SYT9: variants seen among roughly 807,000 people sequenced by gnomAD.
SYT9 encodes the protein synaptotagmin 9, also known as synaptotagmin-9.
Under a neutral mutation model 48.4 loss-of-function variants are expected in SYT9, and 22 were observed. The observed-to-expected ratio is 0.45, with a 90% CI of 0.32 to 0.65. The LOEUF (loss-of-function observed/expected upper bound fraction) is 0.65. Ranked by LOEUF, SYT9 falls within the 30% of genes least tolerant of loss-of-function variation. The pLI is 0.03. For missense variants in SYT9, 577 were observed against 622.0 expected (o/e 0.93, Z 0.77); for synonymous variants, 265 against 245.0 (o/e 1.08, Z -0.76).
At chr11:7,254,772 G>A (rs1589888488) in intron 1 of SYT9, among the ~76,000 whole-genome samples, 1 of 152,152 alleles carries the variant, frequency 6.6e-6, no homozygotes. Context: ...CTGAACTAAG[G>A]ACTTTGGTTA....
intron 6 of SYT9, chr11:7,435,611 G>A (rs1276771563): frequency 6.6e-6 from 1 of 152,208 alleles, no homozygotes; most frequent in Non-Finnish European, 1.5e-5. Context: ...TATAGCTGAG[G>A]TGGATAGTCT....
intron 3 of SYT9, among the ~76,000 whole-genome samples, chr11:7,369,794 A>ACAAACACACACACACAC (rs1564879645): frequency 4.2e-4 from 61 of 143,982 alleles, no homozygotes; most frequent in African/African-American, 1.5e-3. Flanking sequence ...CACACACACA[A>ACAAACACACACACACAC]ACACACACAC....
At chr11:7,322,052 G>A (rs1268266509) in intron 3 of SYT9, among the ~76,000 whole-genome samples, 2 of 152,174 alleles carry the variant, frequency 1.3e-5, no homozygotes, top group African/African-American at 4.8e-5. Flanking sequence ...TGTTACATTC[G>A]GTGGTGTCCT....
intron 1 of SYT9, among the ~76,000 whole-genome samples, chr11:7,289,320 A>G (rs551424857): frequency 1.1e-3 from 170 of 152,302 alleles, no homozygotes; most frequent in African/African-American, 3.8e-3. Flanking sequence ...CAGGGTCTGG[A>G]GGAGGGAGTT....
rs1357054265 is a variant in SYT9, at chr11:7,313,794, A to C, written c.897A>C (p.Glu299Asp). The C allele has an allele frequency of 6.2e-7, 1 of 1,614,196 alleles. No homozygotes were observed. Among genetic ancestry groups the C allele is most frequent in the East Asian group, 2.2e-5 (1 of 44,886 alleles). Residue 299 changes from glutamate to aspartate, a missense_variant, in exon 3 of 7, where the codon GAA (glutamate) becomes GAC (aspartate). By Grantham distance (45) the Glu-to-Asp change is conservative. Coordinates refer to ENST00000318881, the MANE Select transcript of SYT9 (RefSeq NM_175733.4). ...TTCCGGTTCCCTACAATGACCTTGAAGCACGGAAGCTTCACTTCTCTGTGT... is the reference window on the plus strand; with the variant it reads ...TTCCGGTTCCCTACAATGACCTTGACGCACGGAAGCTTCACTTCTCTGTGT... Reference protein sequence around the residue: ...FLFPVPYNDLEARKLHFSVYD... With the variant: ...FLFPVPYNDLDARKLHFSVYD...
chr11:7,340,727 C>T (rs1010075510), intron 3 of SYT9, among the ~76,000 whole-genome samples: 1 of 152,196 alleles, frequency 6.6e-6, no homozygotes, highest in Non-Finnish European at 1.5e-5. Context: ...GTGATGGCTG[C>T]AAGACAGCAA....
Position 7,416,139 on chromosome 11 carries a change from C to G in SYT9, c.1142C>G (p.Ala381Gly), listed in dbSNP as rs1847242442. ...ATTATAAAAGCAAGGAATTTAAAGG[C>G]AATGGACATAACAGGAGCATCAGGT... ...ITIIKARNLKAMDITGASDPY... is the reference protein window; with the variant it reads ...ITIIKARNLKGMDITGASDPY... The change falls in exon 4 of 7, where the codon GCA (alanine) becomes GGA (glycine). Residue 381 changes from alanine to glycine, a missense_variant. Ala to Gly is a moderately conservative substitution (Grantham distance 60, BLOSUM62 0). Transcript: ENST00000318881. 1 of 1,614,142 alleles carries G rather than the reference C, an allele frequency of 6.2e-7. No homozygotes were observed. Among genetic ancestry groups the G allele is most frequent in the South Asian group, 1.1e-5 (1 of 91,084 alleles).
intron 3 of SYT9, among the ~76,000 whole-genome samples, chr11:7,317,067 C>T (rs1243591141): frequency 6.6e-6 from 1 of 152,134 alleles, no homozygotes; most frequent in East Asian, 1.9e-4. Flanking sequence ...TTTGTATTCA[C>T]TTTATGGTGT....
intron 1 of SYT9, among the ~76,000 whole-genome samples, chr11:7,294,821 T>C (rs552645669): frequency 6.6e-6 from 1 of 152,206 alleles, no homozygotes; most frequent in Non-Finnish European, 1.5e-5. Flanking sequence ...GGAAGACAAT[T>C]GCCATCCCTT....
intron 3 of SYT9, among the ~76,000 whole-genome samples, chr11:7,328,778 T>TA (rs1849479633): frequency 1.3e-5 from 2 of 152,198 alleles, no homozygotes; most frequent in Non-Finnish European, 2.9e-5. Context: ...GTTAAAGATC[T>TA]GTTGATGTTA....
chr11:7,306,130 G>C (rs193053895), intron 2 of SYT9, among the ~76,000 whole-genome samples: 11 of 152,234 alleles, frequency 7.2e-5, no homozygotes, highest in Non-Finnish European at 1.6e-4. Flanking sequence ...CTTTTGTACA[G>C]TGACTCAATA....
In SYT9 at chr11:7,468,032, C is replaced by G; in HGVS notation, c.*1232C>G. 2.7e-6 allele frequency: 1 copy of G among 373,076 alleles called. No homozygotes were observed. The highest frequency in any genetic ancestry group is 4.8e-6 in the Non-Finnish European group (1 of 210,134). The allele number at this position is 373,076 out of a possible 1,614,324, so 23.1% of individuals were successfully genotyped here. On this transcript the variant is annotated 3_prime_UTR_variant, in exon 7 of 7. Transcript: ENST00000318881. ...AATGAAACCAAAGGCCTCAGCATAT[C>G]CTGGGAGGACTGGGGGCTGTTACCT...
At chr11:7,424,472 C>T (rs1564898998) in intron 6 of SYT9, among the ~76,000 whole-genome samples, 1 of 152,150 alleles carries the variant, frequency 6.6e-6, no homozygotes, top group Non-Finnish European at 1.5e-5. Flanking sequence ...CCTTTCCTGC[C>T]TCCTGTATGT....
intron 3 of SYT9, among the ~76,000 whole-genome samples, chr11:7,369,270 C>A (rs1850308839): frequency 6.6e-6 from 1 of 151,226 alleles, no homozygotes; most frequent in Admixed American, 6.6e-5. Context: ...GCATAAATGT[C>A]TTCTTTTGAG....
Position 7,467,021 on chromosome 11 carries a change from A to C in SYT9, c.*221A>C, listed in dbSNP as rs114650330. ...GGCCCAAGGTGATGTGCTGCAGGGA[A>C]GCATGTCTCTCATGCCAAGAACCAA... On this transcript the variant is annotated 3_prime_UTR_variant, in exon 7 of 7. Transcript: ENST00000318881. 1,150 of 566,750 alleles carry C rather than the reference A, an allele frequency of 2.0e-3. 8 individuals are homozygous for C. Among genetic ancestry groups the C allele is most frequent in the African/African-American group, 0.02 (1,051 of 52,974 alleles). 35.1% of individuals were successfully genotyped at this position (566,750 alleles called of 1,614,324 possible). A position where few individuals can be genotyped will look rare whatever the true frequency, so the allele number is the denominator to read the frequency against.
intron 3 of SYT9, among the ~76,000 whole-genome samples, chr11:7,405,528 C>T (rs1846991531): frequency 6.6e-6 from 1 of 152,198 alleles, no homozygotes; most frequent in Non-Finnish European, 1.5e-5. Context: ...CCAGCAAGCC[C>T]ATATCTCCTC....
At chr11:7,268,684 A>C (rs545584500) in intron 1 of SYT9, among the ~76,000 whole-genome samples, 15 of 152,144 alleles carry the variant, frequency 9.9e-5, no homozygotes, top group African/African-American at 3.6e-4. Context: ...CACAAACTTG[A>C]CACATTTTTC....
At chr11:7,413,327 G>A (rs899119547) in intron 3 of SYT9, among the ~76,000 whole-genome samples, 1 of 152,196 alleles carries the variant, frequency 6.6e-6, no homozygotes, top group African/African-American at 2.4e-5. Flanking sequence ...GCAAGACATA[G>A]TCCTTTAGGG....
chr11:7,307,397 G>T (rs1299820425), intron 2 of SYT9, among the ~76,000 whole-genome samples: 1 of 152,130 alleles, frequency 6.6e-6, no homozygotes, highest in Non-Finnish European at 1.5e-5. Flanking sequence ...TTCAAAAGTG[G>T]AAGTTGCCTA....
Sources: allele counts gnomAD v4.1 joint callset (sites outside exome capture counted in the v4.1 genomes callset), GRCh38; gene constraint gnomAD v4.1.1; transcripts MANE v1.5; gene names NCBI Gene and HGNC (gene_info 2026-07-23, HGNC 2026-07-21).